Variants in DGKB observed in about 807,000 individuals in gnomAD.
DGKB encodes 90 kDa diacylglycerol kinase.
A neutral mutation model predicts 114.3 loss-of-function variants in DGKB; 67 were observed. The ratio of observed to expected loss-of-function variants is 0.59; its 90% confidence interval spans 0.48 to 0.72. The LOEUF is 0.72. DGKB is among the 30% of genes least tolerant of loss of function. The pLI, the probability that DGKB is intolerant of heterozygous loss-of-function variation, is 0.00. For synonymous variants in DGKB, 398 were observed against 323.1 expected (o/e 1.23, Z -2.49); for missense variants, 907 against 975.2 (o/e 0.93, Z 0.93).
intron 23 of DGKB, among the ~76,000 whole-genome samples, chr7:14,202,580 G>T (rs184080542): frequency 4.0e-5 from 6 of 151,710 alleles, no homozygotes; most frequent in Non-Finnish European, 7.4e-5. Flanking sequence ...TACATTTTTG[G>T]TATCTTTTAA....
At chr7:14,162,943 GTCA>G (rs1392447028) in intron 25 of DGKB, among the ~76,000 whole-genome samples, 1 of 152,102 alleles carries the variant, frequency 6.6e-6, no homozygotes, top group Non-Finnish European at 1.5e-5. Flanking sequence ...ACATTATGGT[GTCA>G]TCATAATTTT....
At chr7:14,915,427 A>G (rs961538044) in intron 1 of DGKB, among the ~76,000 whole-genome samples, 1 of 152,178 alleles carries the variant, frequency 6.6e-6, no homozygotes, top group African/African-American at 2.4e-5. Flanking sequence ...TTGATGTTAT[A>G]ACAGCTGTCT....
chr7:14,297,463 A>T (rs537477111), intron 23 of DGKB, among the ~76,000 whole-genome samples: 1 of 152,342 alleles, frequency 6.6e-6, no homozygotes, highest in East Asian at 1.9e-4. Context: ...CCACATGATT[A>T]TCTCAATAGA....
intron 21 of DGKB, among the ~76,000 whole-genome samples, chr7:14,362,611 C>T (rs1815954355): frequency 6.6e-6 from 1 of 151,098 alleles, no homozygotes; most frequent in Non-Finnish European, 1.5e-5. Context: ...CCACTCTCTC[C>T]ACCTCTTCTC....
Position 14,401,979 on chromosome 7 carries a change from C to CAT in DGKB, c.1836-56589_1836-56588insAT, listed in dbSNP as rs1823178942. Among the ~76,000 whole-genome samples the CAT allele has an allele frequency of 4.8e-5, 7 of 145,170 alleles. No homozygotes were observed. In the Admixed American group the frequency reaches 4.9e-4, roughly 10 times the overall value. On this transcript the variant is annotated intron_variant, in intron 21 of 25. Coordinates refer to ENST00000402815, the MANE Select transcript of DGKB (RefSeq NM_001350709.2). Reference sequence around the variant, plus strand: ...AATAATTTGTACACACACACACACACACACACACCCGCTATTCAGCTATGA... The same window carrying CAT: ...AATAATTTGTACACACACACACACACATACACACACCCGCTATTCAGCTATGA...
At chr7:14,602,517 G>C (rs540417250) in intron 17 of DGKB, among the ~76,000 whole-genome samples, 1 of 152,212 alleles carries the variant, frequency 6.6e-6, no homozygotes, top group South Asian at 2.1e-4. Flanking sequence ...AGGACTCTAC[G>C]CTTACGAATG....
intron 22 of DGKB, among the ~76,000 whole-genome samples, chr7:14,341,013 A>C (rs2128581635): frequency 6.6e-6 from 1 of 151,792 alleles, no homozygotes; most frequent in South Asian, 2.1e-4. Context: ...AAAGAATTGA[A>C]CCAGCTGAGT....
At chr7:14,951,720 C>T (rs1446114700) in intron 1 of DGKB, among the ~76,000 whole-genome samples, 1 of 151,688 alleles carries the variant, frequency 6.6e-6, no homozygotes, top group Non-Finnish European at 1.5e-5. Flanking sequence ...CACACTAATG[C>T]AAGATGTTAA....
chr7:14,959,881 T>C (rs1254440029), intron 1 of DGKB, among the ~76,000 whole-genome samples: 1 of 152,088 alleles, frequency 6.6e-6, no homozygotes, highest in Non-Finnish European at 1.5e-5. Flanking sequence ...TATCTAAATA[T>C]GTACACATAT....
At chr7:14,874,209 T>C (rs1852914025) in intron 1 of DGKB, among the ~76,000 whole-genome samples, 1 of 152,062 alleles carries the variant, frequency 6.6e-6, no homozygotes, top group Admixed American at 6.5e-5. Flanking sequence ...GAGCCTGATA[T>C]TCTCTGGTAA....
intron 23 of DGKB, among the ~76,000 whole-genome samples, chr7:14,268,085 G>T (rs1171373781): frequency 2.0e-5 from 3 of 152,180 alleles, no homozygotes; most frequent in African/African-American, 7.2e-5. Context: ...TCGTTTTGGA[G>T]ATGAGTCAAG....
intron 23 of DGKB, among the ~76,000 whole-genome samples, chr7:14,259,047 T>C (rs1243801917): frequency 6.6e-6 from 1 of 152,118 alleles, no homozygotes; most frequent in Non-Finnish European, 1.5e-5. Context: ...TTCTATACAG[T>C]GTAACTTTCC....
chr7:14,907,274 A>G (rs533713890), upstream of DGKB, among the ~76,000 whole-genome samples: 1 of 152,356 alleles, frequency 6.6e-6, no homozygotes, highest in South Asian at 2.1e-4. Flanking sequence ...ATAGATCACC[A>G]TCACTAATTT....
intron 2 of DGKB, among the ~76,000 whole-genome samples, chr7:14,767,579 T>C (rs1209158256): frequency 6.6e-6 from 1 of 151,948 alleles, no homozygotes; most frequent in African/African-American, 2.4e-5. Context: ...TTCTTAATTT[T>C]CTTTTACATT....
At chr7:14,608,154 G>T (rs910242506) in intron 16 of DGKB, among the ~76,000 whole-genome samples, 4 of 151,884 alleles carry the variant, frequency 2.6e-5, no homozygotes, top group African/African-American at 9.7e-5. Flanking sequence ...ATGTTTCTAT[G>T]CATGCACATA....
At position 14,596,782 on chromosome 7, in the gene DGKB, G is replaced by T. The variant is rs148514956; in HGVS notation, c.1433+10652C>A. 6.1e-3 allele frequency among the ~76,000 whole-genome samples: 928 copies of T among 152,154 alleles called. 8 individuals are homozygous for T. The highest frequency in any genetic ancestry group is 0.021 in the African/African-American group (857 of 41,504). On this transcript the variant is annotated intron_variant, in intron 17 of 25. Coordinates refer to ENST00000402815, the MANE Select transcript of DGKB (RefSeq NM_001350709.2). ...TGGTTAATACCAATACATATACAGG[G>T]CATGGGGGAGGGCTCTTAATTATCT...
intron 1 of DGKB, among the ~76,000 whole-genome samples, chr7:14,945,268 C>T (rs1420931677): frequency 6.6e-6 from 1 of 151,666 alleles, no homozygotes; most frequent in African/African-American, 2.4e-5. Context: ...TTACATGAAA[C>T]ATAAAAGCAG....
chr7:14,676,121 T>C (rs1819810184), intron 12 of DGKB, among the ~76,000 whole-genome samples: 1 of 152,070 alleles, frequency 6.6e-6, no homozygotes, highest in African/African-American at 2.4e-5. Context: ...AATCATAAAG[T>C]CTATTTTAAA....
chr7:14,835,755 C>T (rs2128129774), intron 2 of DGKB, among the ~76,000 whole-genome samples: 1 of 152,152 alleles, frequency 6.6e-6, no homozygotes, highest in Non-Finnish European at 1.5e-5. Flanking sequence ...CTAGCTTTTC[C>T]TATTTTGGAA....
Sources: allele counts gnomAD v4.1 joint callset (sites outside exome capture counted in the v4.1 genomes callset), GRCh38; gene constraint gnomAD v4.1.1; transcripts MANE v1.5; gene names NCBI Gene and HGNC (gene_info 2026-07-23, HGNC 2026-07-21).